The following IGSF21 variants were observed in gnomAD, a reference collection of about 807,000 sequenced individuals.
IGSF21 encodes the protein immunoglobulin superfamily member 21.
IGSF21 carries 28 observed loss-of-function variants against 46.8 expected under a neutral mutation model. The observed-to-expected ratio is 0.60, with a 90% CI of 0.44 to 0.82. The LOEUF (loss-of-function observed/expected upper bound fraction) is 0.82, where lower values mean the gene tolerates loss of function less well. Ranked by LOEUF, IGSF21 falls within the 40% of genes least tolerant of loss-of-function variation. IGSF21 has a pLI of 0.00. For synonymous variants in IGSF21, 284 were observed against 273.6 expected (o/e 1.04, Z -0.38); for missense variants, 624 against 665.5 (o/e 0.94, Z 0.69).
At chr1:18,173,708 A>G (rs566252427) in intron 1 of IGSF21, among the ~76,000 whole-genome samples, 40 of 152,264 alleles carry the variant, frequency 2.6e-4, no homozygotes, top group African/African-American at 9.4e-4. Flanking sequence ...GCAGATGTGG[A>G]TTTGAGTTTT....
chr1:18,300,292 G>C (rs1200498243), intron 3 of IGSF21, among the ~76,000 whole-genome samples: 2 of 152,138 alleles, frequency 1.3e-5, no homozygotes, highest in Admixed American at 1.3e-4. Context: ...GATATGGGCA[G>C]TGAGATTTGG....
At position 18,377,418 on chromosome 1, in the gene IGSF21, G is replaced by A. The variant is rs534179579; in HGVS notation, c.1320G>A (p.Thr440=). 48 of 1,613,536 alleles carry A rather than the reference G, an allele frequency of 3.0e-5. No individual in the cohort carries two copies. Among genetic ancestry groups the A allele is most frequent in the South Asian group, 1.9e-4 (17 of 91,070 alleles). The part of the protein sequence containing the change: ...VFENPNIPRG[T]EDSNGSIGPT... ...AAAACCCAAATATCCCAAGAGGAAC[G>A]GAGGACTCTAATGGTAAGTCTCTAC... The change falls in exon 9 of 10, where the codon ACG becomes ACA. Residue 440 remains threonine, a synonymous_variant. Coordinates refer to ENST00000251296, the MANE Select transcript of IGSF21 (RefSeq NM_032880.5).
chr1:18,185,749 C>T (rs1187849526), intron 1 of IGSF21, among the ~76,000 whole-genome samples: 1 of 152,156 alleles, frequency 6.6e-6, no homozygotes, highest in Non-Finnish European at 1.5e-5. Flanking sequence ...AATAATAGCA[C>T]CTATGTCATA....
chr1:18,368,729 T>C (rs555346477), intron 6 of IGSF21, among the ~76,000 whole-genome samples: 134 of 152,250 alleles, frequency 8.8e-4, no homozygotes, highest in African/African-American at 3.1e-3. Flanking sequence ...ACCTGGTTGC[T>C]TCATTTATGA....
intron 3 of IGSF21, among the ~76,000 whole-genome samples, chr1:18,303,447 A>G (rs982800533): frequency 6.6e-6 from 1 of 152,116 alleles, no homozygotes; most frequent in Non-Finnish European, 1.5e-5. Context: ...GGGTGGGGGC[A>G]CTGGGGTCAC....
At chr1:18,169,392 C>T (rs989547698) in intron 1 of IGSF21, among the ~76,000 whole-genome samples, 4 of 152,208 alleles carry the variant, frequency 2.6e-5, no homozygotes, top group African/African-American at 9.6e-5. Context: ...TTTCTTTCTT[C>T]CACCATTCCT....
chr1:18,231,445 CT>C (rs35605301), intron 2 of IGSF21, among the ~76,000 whole-genome samples: 1 of 152,236 alleles, frequency 6.6e-6, no homozygotes, highest in African/African-American at 2.4e-5. Context: ...CTCTTGGACA[CT>C]TTACCCCCAT....
At chr1:18,245,199 T>C (rs756889194) in intron 2 of IGSF21, among the ~76,000 whole-genome samples, 12 of 152,214 alleles carry the variant, frequency 7.9e-5, no homozygotes, top group Non-Finnish European at 1.2e-4. Flanking sequence ...ATAAATATTC[T>C]TTTTTGTTAT....
intron 2 of IGSF21, among the ~76,000 whole-genome samples, chr1:18,228,375 C>G (rs1313153704): frequency 6.6e-6 from 1 of 152,140 alleles, no homozygotes; most frequent in Non-Finnish European, 1.5e-5. Flanking sequence ...ATGTTTTTGG[C>G]AAGGGAGAGA....
intron 1 of IGSF21, among the ~76,000 whole-genome samples, chr1:18,170,365 A>G (rs976534614): frequency 6.6e-6 from 1 of 151,974 alleles, no homozygotes; most frequent in Non-Finnish European, 1.5e-5. Context: ...GTGGCTCCCA[A>G]ATGGCCAACT....
chr1:18,209,621 ATTTTTT>A (rs35745482), intron 1 of IGSF21, among the ~76,000 whole-genome samples: 7 of 133,846 alleles, frequency 5.2e-5, no homozygotes, highest in African/African-American at 1.4e-4. Flanking sequence ...CACCTGGCTA[ATTTTTT>A]TTTTTTTTTT....
chr1:18,228,436 T>A (rs1191497253), intron 2 of IGSF21, among the ~76,000 whole-genome samples: 5 of 152,192 alleles, frequency 3.3e-5, no homozygotes, highest in Admixed American at 1.3e-4. Flanking sequence ...ACAGAGATAG[T>A]CTGCCACCTA....
chr1:18,363,079 G>A (rs912452669), intron 5 of IGSF21, among the ~76,000 whole-genome samples: 5 of 152,156 alleles, frequency 3.3e-5, no homozygotes, highest in African/African-American at 1.2e-4. Flanking sequence ...GTGAAGAGAG[G>A]CCAAGTCACT....
chr1:18,130,031 A>G (rs552363862), intron 1 of IGSF21, among the ~76,000 whole-genome samples: 2 of 152,346 alleles, frequency 1.3e-5, no homozygotes, highest in East Asian at 3.9e-4. Context: ...TTAAAGCAGC[A>G]CAAAACAGGC....
chr1:18,148,265 G>A (rs2086488875), intron 1 of IGSF21, among the ~76,000 whole-genome samples: 1 of 151,496 alleles, frequency 6.6e-6, no homozygotes, highest in Non-Finnish European at 1.5e-5. Flanking sequence ...AGAGTAGCTG[G>A]GACTACAGGC....
intron 1 of IGSF21, among the ~76,000 whole-genome samples, chr1:18,138,255 C>T (rs2086385086): frequency 6.6e-6 from 1 of 152,178 alleles, no homozygotes; most frequent in African/African-American, 2.4e-5. Context: ...ATAATAATCC[C>T]TCGCAGGACA....
intron 4 of IGSF21, among the ~76,000 whole-genome samples, chr1:18,341,078 TCC>T (rs1491398980): frequency 0.037 from 1,619 of 43,962 alleles, 14 homozygotes; most frequent in Non-Finnish European, 0.064. Flanking sequence ...CTTCTTCTTC[TCC>T]TCCTCCTCCT....
intron 4 of IGSF21, among the ~76,000 whole-genome samples, chr1:18,356,950 A>G (rs1426938892): frequency 6.6e-6 from 1 of 150,986 alleles, no homozygotes; most frequent in Admixed American, 6.6e-5. Context: ...GGAGGGATGG[A>G]AATGGAGCTG....
At chr1:18,126,728 C>G (rs2086277080) in intron 1 of IGSF21, among the ~76,000 whole-genome samples, 1 of 152,216 alleles carries the variant, frequency 6.6e-6, no homozygotes, top group Middle Eastern at 3.4e-3. Flanking sequence ...TGATCCCATG[C>G]TTCGTTATGT....
Sources: allele counts gnomAD v4.1 joint callset (sites outside exome capture counted in the v4.1 genomes callset), GRCh38; gene constraint gnomAD v4.1.1; transcripts MANE v1.5; gene names NCBI Gene and HGNC (gene_info 2026-07-23, HGNC 2026-07-21).